The following TBC1D9B variants were observed in gnomAD, a reference collection of about 807,000 sequenced individuals.
TBC1D9B encodes TBC1 domain family, member 9B (with GRAM domain).
In TBC1D9B, 87 loss-of-function variants were observed where a neutral mutation model predicts 121.1. The ratio of observed to expected loss-of-function variants is 0.72; its 90% CI spans 0.60 to 0.86. The LOEUF is 0.86. Ranked by LOEUF, TBC1D9B falls within the 40% of genes least tolerant of loss-of-function variation. The probability of loss-of-function intolerance (pLI) is 0.00; values close to 1 mark genes in which losing one functional copy is unlikely to be tolerated. For synonymous variants in TBC1D9B, 668 were observed against 670.1 expected, an observed-to-expected ratio of 1.00 and a Z score of 0.05; for missense variants, 1,540 against 1,628.6, an observed-to-expected ratio of 0.95 and a Z score of 0.94.
chr5:179,896,236 T>C (rs1284208826), intron 3 of TBC1D9B, among the ~76,000 whole-genome samples: 1 of 152,226 alleles, frequency 6.6e-6, no homozygotes, highest in African/African-American at 2.4e-5. Context: ...CATGAATATA[T>C]GAGATACACA....
chr5:179,871,604 G>A, intron 14 of TBC1D9B, 74 bp from the exon 15 acceptor site: 1 of 1,508,240 alleles, frequency 6.6e-7, no homozygotes, highest in South Asian at 1.2e-5. Context: ...CTCTGTGAGA[G>A]CATCCTCGGC....
Position 179,876,007 on chromosome 5 carries a change from G to T in TBC1D9B, c.1813C>A (p.Leu605Ile). Residue 605 changes from leucine to isoleucine, a missense_variant, in exon 11 of 21, where the codon CTC becomes ATC. Transcript: ENST00000355235. ...AMNIVTSVLL[L>I]YGSEEEAFWL... is the part of the protein sequence containing the mutation. ...AAGGCCTCCTCCTCACTGCCATAGAGCAGGAGCACCGAGGTCACGATGTTC... is the reference window on the plus strand; with the variant it reads ...AAGGCCTCCTCCTCACTGCCATAGATCAGGAGCACCGAGGTCACGATGTTC... 6.2e-7 allele frequency: 1 copy of T among 1,612,892 alleles called. No individual in the cohort carries two copies. Among genetic ancestry groups the T allele is most frequent in the Non-Finnish European group, 8.5e-7 (1 of 1,179,660 alleles).
rs1478864000 is a variant in TBC1D9B, at chr5:179,867,813, G to A, written c.2828C>T (p.Ala943Val). The part of the protein sequence containing the change: ...SPEEAESALE[A>V]AHYFTEDSSS... Reference sequence around the variant, plus strand: ...GCTGTCCTCTGTGAAATAATGGGCCGCCTCCAGGGCTGACTCGGCTTCCTC... The same window carrying A: ...GCTGTCCTCTGTGAAATAATGGGCCACCTCCAGGGCTGACTCGGCTTCCTC... Residue 943 changes from alanine to valine, a missense_variant, in exon 18 of 21, where the codon GCG becomes GTG. By Grantham distance (64) the Ala-to-Val change is moderately conservative. Coordinates refer to ENST00000355235, the MANE Select transcript of TBC1D9B (RefSeq NM_015043.4). The A allele has an allele frequency of 3.3e-6, 5 of 1,532,648 alleles. No individual in the cohort carries two copies. Among genetic ancestry groups the A allele is most frequent in the Non-Finnish European group, 4.4e-6 (5 of 1,139,002 alleles). The allele number at this position is 1,532,648 out of a possible 1,614,324, so 94.9% of individuals were successfully genotyped here.
In TBC1D9B at chr5:179,893,381, G is replaced by A. The variant is rs147850739; in HGVS notation, c.664C>T (p.Arg222Cys). The A allele has an allele frequency of 3.2e-5, 51 of 1,614,040 alleles. No homozygotes were observed. Among genetic ancestry groups the A allele is most frequent in the African/African-American group, 4.0e-5 (3 of 74,942 alleles). Residue 222 changes from arginine (R) to cysteine (C), a missense_variant, in exon 5 of 21, where the codon CGC (arginine) becomes TGC (cysteine). By Grantham distance (180) the Arg-to-Cys change is radical. Transcript: ENST00000355235. Reference protein sequence around the residue: ...LFPESIRVDTRDQELFFSMFL... With the variant: ...LFPESIRVDTCDQELFFSMFL... ...ATGGAGAAGAAGAGCTCCTGGTCGC[G>A]GGTGTCCACACGGATGCTCTCGGGG...
At chr5:179,864,234 C>G (rs1052204462) in intron 20 of TBC1D9B, 106 bp from the exon 21 acceptor site, 2 of 1,162,226 alleles carry the variant, frequency 1.7e-6, no homozygotes, top group African/African-American at 3.1e-5. Flanking sequence ...ATGTTGGCTG[C>G]CGTCTTGCTA....
rs753234968 is a variant in TBC1D9B at position 179,888,202 on chromosome 5, G to A, written c.1155C>T (p.Phe385=). The change falls in exon 7 of 21, where the codon TTC becomes TTT. Residue 385 remains phenylalanine, a synonymous_variant. Coordinates refer to ENST00000355235, the MANE Select transcript of TBC1D9B (RefSeq NM_015043.4). ...GGAAGTCAGAGATCCTCTGCACCAA[G>A]AAATCACGGTCTTTCAGGTTGGCAA... ...FLFANLKDRD[F]LVQRISDFLQ... 1.9e-6 allele frequency: 3 copies of A among 1,613,052 alleles called. No individual in the cohort carries two copies. Among genetic ancestry groups the A allele is most frequent in the Admixed American group, 1.7e-5 (1 of 59,612 alleles).
rs370470128 is a variant in TBC1D9B, at chr5:179,904,835, T to C, written c.119-23A>G. The C allele has an allele frequency of 2.1e-5, 32 of 1,534,794 alleles. No homozygotes were observed. The highest frequency in any genetic ancestry group is 7.2e-5 in the South Asian group (6 of 82,984). The stretch of plus-strand genomic sequence containing the variant: ...GACCTGGGAACAGGGCAGAGAGACA[T>C]AGAGGGTGAGGGGAGGGCCGGACTG... On this transcript the variant is annotated intron_variant, in intron 1 of 20. Transcript: ENST00000355235. The surrounding 1 kb of genome is among the most constrained non-coding windows in gnomAD (Gnocchi z 4.2).
chr5:179,903,073 A>G (rs1199509787), intron 2 of TBC1D9B, among the ~76,000 whole-genome samples: 2 of 152,076 alleles, frequency 1.3e-5, no homozygotes, highest in African/African-American at 2.4e-5. Context: ...GAGGTTGACA[A>G]ACTTTTGAGT....
rs1312722973 is a variant in TBC1D9B, at chr5:179,902,993, C to G, written c.229+1709G>C. 6.6e-6 allele frequency among the ~76,000 whole-genome samples: 1 copy of G among 152,192 alleles called. No individual in the cohort carries two copies. The highest frequency in any genetic ancestry group is 1.5e-5 in the Non-Finnish European group (1 of 68,034). The stretch of plus-strand genomic sequence containing the variant: ...GCGCCCACCTGGGAGTGGGGCTATT[C>G]CCGGGGTGCCGCCCGCCCTGTGCTT... On this transcript the variant is annotated intron_variant, in intron 2 of 20. Transcript: ENST00000355235. This position sits in a 1 kb window ranked among gnomAD's most constrained non-coding sequence, Gnocchi z 4.9.
At chr5:179,894,665 T>A (rs1393135865) in intron 3 of TBC1D9B, 51 bp from the exon 4 acceptor site, 2 of 1,594,494 alleles carry the variant, frequency 1.3e-6, no homozygotes, top group East Asian at 2.2e-5. Flanking sequence ...CCCGGACAGG[T>A]CAAAGGGTGG....
rs189711355 is a variant in TBC1D9B, at chr5:179,864,042, G to A, written c.3108C>T (p.Thr1036=). 6.8e-6 allele frequency: 11 copies of A among 1,613,734 alleles called. No homozygotes were observed. Among genetic ancestry groups the A allele is most frequent in the East Asian group, 6.7e-5 (3 of 44,890 alleles). ...CGATGCGGAGCAGGAGGCTGGCCAC[G>A]GTGGCGATGGCGTGGTACAGGTCCT... ...MEQDLYHAIA[T]VASLLLRIGE... Residue 1036 remains threonine, a synonymous_variant, in exon 21 of 21, where the codon ACC becomes ACT. Transcript: ENST00000355235.
In TBC1D9B at chr5:179,874,544, C is replaced by T. The variant is rs1197493181; in HGVS notation, c.2186+358G>A. On this transcript the variant is annotated intron_variant, in intron 12 of 20. Coordinates refer to ENST00000355235, the MANE Select transcript of TBC1D9B (RefSeq NM_015043.4). The surrounding 1 kb of genome is among the most constrained non-coding windows in gnomAD (Gnocchi z 4.3). ...GCAGCTGAGCTTGGAGAGGTATGAC[C>T]GGGACCACCTGGTGGACATGAAATG... Among the ~76,000 whole-genome samples, 3 of 152,150 alleles carry T rather than the reference C, an allele frequency of 2.0e-5. No individual in the cohort carries two copies. In the East Asian group the frequency reaches 5.8e-4, roughly 29 times the overall value.
At chr5:179,877,070 C>CAAAAAAAA (rs58537646) in intron 10 of TBC1D9B, among the ~76,000 whole-genome samples, 1 of 34,140 alleles carries the variant, frequency 2.9e-5, no homozygotes, top group African/African-American at 9.5e-5. Flanking sequence ...GATCCTGTCT[C>CAAAAAAAA]AAAAAAAAAA....
In TBC1D9B at chr5:179,874,180, T is replaced by C. The variant is rs1473179624; in HGVS notation, c.2186+722A>G. ...AGTGTAGCCAGGAGGGGCCGGGGCT[T>C]GAAGGCCAGGCTGGAGGCTCAGACA... On this transcript the variant is annotated intron_variant, in intron 12 of 20. Transcript: ENST00000355235. The surrounding 1 kb of genome is among the most constrained non-coding windows in gnomAD (Gnocchi z 4.3). Among the ~76,000 whole-genome samples, 2 of 151,962 alleles carry C rather than the reference T, an allele frequency of 1.3e-5. No individual in the cohort carries two copies. The highest frequency in any genetic ancestry group is 4.8e-5 in the African/African-American group (2 of 41,350).
At chr5:179,868,111 C>T (rs1760076258) in intron 17 of TBC1D9B, 1 of 300,112 alleles carries the variant, frequency 3.3e-6, no homozygotes, top group Non-Finnish European at 6.1e-6. Context: ...GATCTCAGCT[C>T]ACTGCAAGCT....
rs765842124 is a variant in TBC1D9B, at chr5:179,873,281, C to A, written c.2187-33G>T. ...GGACAGAGGACAACAGTCCAGACCA[C>A]GCCCAGGCAGAGGGAGCCTCCTTCC... On this transcript the variant is annotated intron_variant, in intron 12 of 20. Coordinates refer to ENST00000355235, the MANE Select transcript of TBC1D9B (RefSeq NM_015043.4). The A allele has an allele frequency of 3.2e-6, 5 of 1,539,758 alleles. No homozygotes were observed. The East Asian group carries it at 1.2e-4, about 36-fold the overall frequency.
chr5:179,865,446 C>T lies in TBC1D9B; in HGVS notation c.2915-86G>A. The stretch of plus-strand genomic sequence containing the variant: ...AGGGAGAGGAAGAGTTGGGTGTTTT[C>T]TGGCATGGAGTTACCAGGGCCCTAT... On this transcript the variant is annotated intron_variant, in intron 19 of 20. Coordinates refer to ENST00000355235, the MANE Select transcript of TBC1D9B (RefSeq NM_015043.4). The surrounding 1 kb of genome is among the most constrained non-coding windows in gnomAD (Gnocchi z 5.1). 2 of 1,330,242 alleles carry T rather than the reference C, an allele frequency of 1.5e-6. No homozygotes were observed. The highest frequency in any genetic ancestry group is 2.2e-6 in the Non-Finnish European group (2 of 925,918). 82.4% of individuals were successfully genotyped at this position (1,330,242 alleles called of 1,614,324 possible).
At position 179,863,797 on chromosome 5, in the gene TBC1D9B, C is replaced by T; in HGVS notation, c.3353G>A (p.Gly1118Glu). 1 of 1,613,620 alleles carries T rather than the reference C, an allele frequency of 6.2e-7. No homozygotes were observed. Among genetic ancestry groups the T allele is most frequent in the Non-Finnish European group, 8.5e-7 (1 of 1,179,986 alleles). The change falls in exon 21 of 21, where the codon GGA becomes GAA. Residue 1118 changes from glycine (G) to glutamate (E), a missense_variant. Physicochemically the swap from Gly to Glu is moderately conservative, Grantham distance 98. Coordinates refer to ENST00000355235, the MANE Select transcript of TBC1D9B (RefSeq NM_015043.4). This position sits in a 1 kb window ranked among gnomAD's most constrained non-coding sequence, Gnocchi z 4.5. ...CAGCAGCTGGGAGGGTGAGCCCTGT[C>T]CCTCGCCGCTGCCCCCCTCCACCAC... The part of the protein sequence containing the change: ...QVVVEGGSGE[G>E]QGSPSQLLSD...
In TBC1D9B at chr5:179,904,200, C is replaced by T. The variant is rs557790107; in HGVS notation, c.229+502G>A. Among the ~76,000 whole-genome samples the T allele has an allele frequency of 1.6e-4, 24 of 150,778 alleles. No homozygotes were observed. Among genetic ancestry groups the T allele is most frequent in the Middle Eastern group, 3.5e-3 (1 of 288 alleles). On this transcript the variant is annotated intron_variant, in intron 2 of 20. Transcript: ENST00000355235. This position sits in a 1 kb window ranked among gnomAD's most constrained non-coding sequence, Gnocchi z 4.2. ...TGGGGCTGTCCTCTCCTGCCCTGTC[C>T]CCATGACCAGTGGAGCTGCCTTTTT...
Sources: allele counts gnomAD v4.1 joint callset (sites outside exome capture counted in the v4.1 genomes callset), GRCh38; gene constraint gnomAD v4.1.1; non-coding constraint Gnocchi (gnomAD v3.1); transcripts MANE v1.5; gene names NCBI Gene and HGNC (gene_info 2026-07-23, HGNC 2026-07-21).